Variants in ZNF91 observed in about 807,000 individuals in gnomAD.
The protein encoded by ZNF91 is zinc finger protein 91 (HPF7, HTF10).
In ZNF91, 7 loss-of-function variants were observed where a neutral mutation model predicts 12.6. The ratio of observed to expected loss-of-function variants is 0.55; its 90% CI spans 0.31 to 1.04. The LOEUF (loss-of-function observed/expected upper bound fraction) is 1.04. ZNF91 is among the 50% of genes least tolerant of loss of function. ZNF91 has a pLI of 0.05. For synonymous variants in ZNF91, 453 were observed against 462.6 expected (o/e 0.98, Z 0.27); for missense variants, 1,217 against 1,385.4 (o/e 0.88, Z 1.93).
chr19:23,366,048 C>A (rs959126075), intron 3 of ZNF91, among the ~76,000 whole-genome samples: 3 of 152,276 alleles, frequency 2.0e-5, no homozygotes, highest in Non-Finnish European at 4.4e-5. Flanking sequence ...AAAACCACCA[C>A]TGTCATCATG....
At chr19:23,323,147 T>C (rs1967746016) in intron 1 of ZNF91, among the ~76,000 whole-genome samples, 1 of 139,576 alleles carries the variant, frequency 7.2e-6, no homozygotes, top group Admixed American at 7.0e-5. Context: ...TCCTTTTCCT[T>C]CGCCTCTCCT....
intron 1 of ZNF91, among the ~76,000 whole-genome samples, chr19:23,317,728 C>T (rs1193232988): frequency 2.0e-5 from 3 of 152,106 alleles, no homozygotes; most frequent in South Asian, 2.1e-4. Flanking sequence ...GGTGACTCTC[C>T]GTCCAAGATT....
intron 1 of ZNF91, among the ~76,000 whole-genome samples, chr19:23,316,291 C>T (rs1346441681): frequency 6.6e-6 from 1 of 151,944 alleles, no homozygotes; most frequent in Non-Finnish European, 1.5e-5. Context: ...TGACATATCT[C>T]TGCATTAATC....
chr19:23,355,838 A>C (rs1968471514), downstream of ZNF91, among the ~76,000 whole-genome samples: 2 of 152,232 alleles, frequency 1.3e-5, no homozygotes, highest in African/African-American at 4.8e-5. Flanking sequence ...AAGTGGGCTA[A>C]GGACATGAAT....
chr19:23,385,426 G>T, intron 1 of ZNF91: 1 of 266,414 alleles, frequency 3.8e-6, no homozygotes, highest in Non-Finnish European at 6.9e-6. Context: ...TTCTTATAAA[G>T]CATTTTTATT....
At chr19:23,392,734 G>A (rs901978305) in intron 1 of ZNF91, among the ~76,000 whole-genome samples, 4 of 152,116 alleles carry the variant, frequency 2.6e-5, no homozygotes, top group Admixed American at 1.3e-4. Flanking sequence ...AGGAGGCAGA[G>A]GTTGCAGTGA....
At chr19:23,390,229 T>C (rs911616745) in intron 1 of ZNF91, among the ~76,000 whole-genome samples, 9 of 152,018 alleles carry the variant, frequency 5.9e-5, no homozygotes, top group Non-Finnish European at 1.2e-4. Context: ...GGCAGGAGAA[T>C]TGCTTGAACC....
rs1336140224 is a variant in ZNF91, at chr19:23,306,623, G to A, written n.277+693C>T. 2.0e-5 allele frequency among the ~76,000 whole-genome samples: 3 copies of A among 152,094 alleles called. No individual in the cohort carries two copies. The East Asian group carries it at 5.8e-4, about 29-fold the overall frequency. On this transcript the variant is annotated intron_variant and non_coding_transcript_variant, in intron 3 of 3. Transcript: ENST00000593292. ...TGACATGTTGCTTGGTCTAACACCC[G>A]AGTTATATAACTCTTGTGCCCTGGC...
rs1423395362 is a variant in ZNF91, at chr19:23,361,703, A to T, written c.1276T>A (p.Phe426Ile). The T allele has an allele frequency of 3.1e-6, 5 of 1,591,876 alleles. No individual in the cohort carries two copies. Among genetic ancestry groups the T allele is most frequent in the African/African-American group, 1.4e-5 (1 of 69,142 alleles). The change falls in exon 4 of 4, where the codon TTT becomes ATT. Residue 426 changes from phenylalanine (F) to isoleucine (I), a missense_variant. Physicochemically the swap from Phe to Ile is conservative, Grantham distance 21 (BLOSUM62 0). Transcript: ENST00000300619. ...TAAGGTTTCTCTCCAGTATGAATAA[A>T]CTTATGTATAGTAAGATTTGAAGAT... ...NRSSNLTIHK[F>I]IHTGEKPYKC... is the part of the protein sequence containing the mutation.
At chr19:23,355,389 T>C (rs79569439), downstream of ZNF91, among the ~76,000 whole-genome samples, 679 of 152,236 alleles carry the variant, frequency 4.5e-3, 4 homozygotes, top group African/African-American at 0.016. Flanking sequence ...TCTGGGATAA[T>C]TGGCTAGCCA....
chr19:23,326,917 ACTGTGGC>A (rs1967848030), intron 1 of ZNF91: 1 of 152,238 alleles, frequency 6.6e-6, no homozygotes, highest in Non-Finnish European at 1.5e-5. Flanking sequence ...AAGCTGTCAC[ACTGTGGC>A]CTTTAATAAT....
intron 1 of ZNF91, among the ~76,000 whole-genome samples, chr19:23,323,576 T>C (rs899571230): frequency 2.0e-5 from 3 of 149,208 alleles, no homozygotes; most frequent in Non-Finnish European, 4.5e-5. Flanking sequence ...TCCTCTTCTC[T>C]TCCTCCCATC....
rs1185337883 is a variant in ZNF91, at chr19:23,362,135, T to C, written c.844A>G (p.Thr282Ala). 3.1e-6 allele frequency: 5 copies of C among 1,614,104 alleles called. No homozygotes were observed. The highest frequency in any genetic ancestry group is 4.2e-6 in the Non-Finnish European group (5 of 1,179,996). The change falls in exon 4 of 4, where the codon ACT (threonine) becomes GCT (alanine). Residue 282 changes from threonine to alanine, a missense_variant. Thr to Ala is a moderately conservative substitution (Grantham distance 58). Coordinates refer to ENST00000300619, the MANE Select transcript of ZNF91 (RefSeq NM_003430.4). ...CCAGTGTGTATCCTCTTATGTCTAG[T>C]TAGGGTTGAGGACCATAGAAATGCT... ...GKAFLWSSTL[T>A]RHKRIHTGEK... is the part of the protein sequence containing the mutation.
chr19:23,343,079 ACT>A (rs1968156411), intron 3 of ZNF91, among the ~76,000 whole-genome samples: 1 of 152,224 alleles, frequency 6.6e-6, no homozygotes, highest in East Asian at 1.9e-4. Context: ...CCACAAAACC[ACT>A]GTAGGTACTG....
chr19:23,370,813 C>T (rs1188452187), intron 3 of ZNF91, among the ~76,000 whole-genome samples: 2 of 151,986 alleles, frequency 1.3e-5, no homozygotes, highest in African/African-American at 4.8e-5. Flanking sequence ...CTGGCCCTGA[C>T]ATGTACATTG....
At chr19:23,381,396 T>C (rs1969708434) in intron 1 of ZNF91, among the ~76,000 whole-genome samples, 1 of 151,844 alleles carries the variant, frequency 6.6e-6, no homozygotes, top group African/African-American at 2.4e-5. Context: ...ACTGAATAAA[T>C]AGAAACAAAG....
chr19:23,378,150 T>C (rs1969573550), intron 1 of ZNF91, among the ~76,000 whole-genome samples: 1 of 152,222 alleles, frequency 6.6e-6, no homozygotes, highest in African/African-American at 2.4e-5. Context: ...AAACACTGGT[T>C]TTAATATAAA....
intron 1 of ZNF91, chr19:23,329,155 CAAAGA>C (rs1427062721): frequency 6.6e-6 from 1 of 152,070 alleles, no homozygotes; most frequent in Non-Finnish European, 1.5e-5. Context: ...TACTAAAATG[CAAAGA>C]AAAGATTTCT....
At chr19:23,318,700 C>G (rs1347173333) in intron 1 of ZNF91, among the ~76,000 whole-genome samples, 1 of 152,178 alleles carries the variant, frequency 6.6e-6, no homozygotes, top group African/African-American at 2.4e-5. Flanking sequence ...GGTGTTGTGA[C>G]TCTCCTTGTT....
Sources: gnomAD v4.1 joint callset for allele counts (sites outside exome capture counted in the v4.1 genomes callset) on GRCh38, gnomAD v4.1.1 for gene constraint, MANE v1.5 for transcripts, NCBI Gene and HGNC (gene_info 2026-07-23, HGNC 2026-07-21) for gene names.